Variants in OLA1 observed in about 807,000 individuals in gnomAD.
OLA1 encodes the protein obg-like ATPase 1.
In OLA1, 14 loss-of-function variants were observed where a neutral mutation model predicts 48.4. The observed-to-expected ratio is 0.29, with a 90% CI of 0.19 to 0.45. OLA1 has a LOEUF of 0.45. Among genes scored for constraint, OLA1 ranks in the 20% least tolerant of loss-of-function variants. OLA1 has a pLI of 1.00. For missense variants in OLA1, 325 were observed against 467.1 expected (o/e 0.70, Z 2.80); for synonymous variants, 127 against 150.4 (o/e 0.84, Z 1.14).
intron 4 of OLA1, among the ~76,000 whole-genome samples, chr2:174,178,186 C>A (rs994498941): frequency 6.6e-6 from 1 of 151,872 alleles, no homozygotes; most frequent in Non-Finnish European, 1.5e-5. Flanking sequence ...GTAATAATTT[C>A]ATTAATGTTC....
intron 5 of OLA1, among the ~76,000 whole-genome samples, chr2:174,132,556 T>C (rs1686209562): frequency 6.6e-6 from 1 of 152,162 alleles, no homozygotes; most frequent in Admixed American, 6.5e-5. Context: ...TTTATTATCA[T>C]AAACTATTTT....
Position 174,123,577 on chromosome 2 carries a change from A to T in OLA1, c.630+18T>A. Reference sequence around the variant, plus strand: ...GAAAGCAAAGGCAGTAATAGATGGCATGATATTTACAACTTACCTCTTTGT... The same window carrying T: ...GAAAGCAAAGGCAGTAATAGATGGCTTGATATTTACAACTTACCTCTTTGT... On this transcript the variant is annotated intron_variant, in intron 6 of 10. Transcript: ENST00000284719. 1 of 1,479,160 alleles carries T rather than the reference A, an allele frequency of 6.8e-7. No homozygotes were observed. Among genetic ancestry groups the T allele is most frequent in the Non-Finnish European group, 9.3e-7 (1 of 1,078,806 alleles). 91.6% of individuals were successfully genotyped at this position (1,479,160 alleles called of 1,614,324 possible).
intron 7 of OLA1, among the ~76,000 whole-genome samples, chr2:174,089,344 T>C (rs933418124): frequency 1.3e-5 from 2 of 152,200 alleles, no homozygotes; most frequent in Non-Finnish European, 2.9e-5. Flanking sequence ...TAAACGCACA[T>C]GAACTGAAAG....
intron 7 of OLA1, among the ~76,000 whole-genome samples, chr2:174,108,429 T>C (rs1379458098): frequency 6.6e-6 from 1 of 152,154 alleles, no homozygotes; most frequent in South Asian, 2.1e-4. Flanking sequence ...CAATTATCAA[T>C]ATAGAGACAT....
intron 4 of OLA1, 90 bp downstream of exon 4, chr2:174,222,943 C>G: frequency 7.5e-7 from 1 of 1,327,332 alleles, no homozygotes; most frequent in Admixed American, 2.4e-5. Flanking sequence ...AGCAATCTTC[C>G]ATTAGTCATT....
At chr2:174,161,248 A>C (rs1441561704) in intron 4 of OLA1, among the ~76,000 whole-genome samples, 2 of 152,218 alleles carry the variant, frequency 1.3e-5, no homozygotes, top group African/African-American at 4.8e-5. Flanking sequence ...GAGACAACAT[A>C]AGTTATAGTA....
At chr2:174,124,587 G>A (rs72920538) in intron 5 of OLA1, among the ~76,000 whole-genome samples, 3,556 of 152,146 alleles carry the variant, frequency 0.023, 56 homozygotes, top group Middle Eastern at 0.048. Context: ...AAGGCTCTGG[G>A]GTCTGAAAGG....
chr2:174,197,201 TACTC>T (rs919564845), intron 4 of OLA1, among the ~76,000 whole-genome samples: 1 of 152,160 alleles, frequency 6.6e-6, no homozygotes, highest in South Asian at 2.1e-4. Flanking sequence ...TGGCTACTGT[TACTC>T]AGTGCTGGAG....
At chr2:174,168,533 T>C (rs768218584) in intron 4 of OLA1, among the ~76,000 whole-genome samples, 9 of 152,070 alleles carry the variant, frequency 5.9e-5, no homozygotes, top group Non-Finnish European at 1.2e-4. Context: ...ACAAGTGAGA[T>C]TGAATTTGAG....
intron 4 of OLA1, among the ~76,000 whole-genome samples, chr2:174,160,469 C>A (rs1463325075): frequency 6.6e-6 from 1 of 152,068 alleles, no homozygotes; most frequent in African/African-American, 2.4e-5. Context: ...GAGATTCAAC[C>A]TGGTTATGCT....
Position 174,081,182 on chromosome 2 carries a change from G to T in OLA1, c.936C>A (p.Gly312=). The T allele has an allele frequency of 1.2e-6, 2 of 1,612,084 alleles. No individual in the cohort carries two copies. The highest frequency in any genetic ancestry group is 2.2e-5 in the South Asian group (2 of 91,012). ...ALQLEYFFTA[G]PDEVRAWTIR... Reference sequence around the variant, plus strand: ...TGGTCCATGCACGCACTTCATCTGGGCCTGCAGTGAAAAAGTATTCTAGTT... The same window carrying T: ...TGGTCCATGCACGCACTTCATCTGGTCCTGCAGTGAAAAAGTATTCTAGTT... The change falls in exon 9 of 11, where the codon GGC becomes GGA. Residue 312 remains glycine (G), a synonymous_variant. Coordinates refer to ENST00000284719, the MANE Select transcript of OLA1 (RefSeq NM_013341.5).
chr2:174,111,506 T>C (rs867709160), intron 7 of OLA1, among the ~76,000 whole-genome samples: 7 of 152,338 alleles, frequency 4.6e-5, no homozygotes, highest in Middle Eastern at 3.4e-3. Flanking sequence ...ATAGAACATA[T>C]GTAAACACCC....
chr2:174,132,031 G>A lies in OLA1; in HGVS notation c.550-8356C>T, dbSNP rs142531755. Among the ~76,000 whole-genome samples, 548 of 152,036 alleles carry A rather than the reference G, an allele frequency of 3.6e-3. 2 individuals carry two copies. The highest frequency in any genetic ancestry group is 0.013 in the African/African-American group (520 of 41,512). On this transcript the variant is annotated intron_variant, in intron 5 of 10. Coordinates refer to ENST00000284719, the MANE Select transcript of OLA1 (RefSeq NM_013341.5). ...TAGTAAGGTTTAAAATTATGAGTTC[G>A]ATTTCTTTGATAGATATAAGACTAT...
chr2:174,102,585 A>G (rs1252884116), intron 7 of OLA1, among the ~76,000 whole-genome samples: 2 of 152,102 alleles, frequency 1.3e-5, no homozygotes, highest in African/African-American at 4.8e-5. Flanking sequence ...TGAAGGTCAT[A>G]TAGTTTTGAG....
At chr2:174,206,448 C>CGG (rs1402304334) in intron 4 of OLA1, among the ~76,000 whole-genome samples, 1 of 152,166 alleles carries the variant, frequency 6.6e-6, no homozygotes, top group Admixed American at 6.6e-5. Flanking sequence ...GTTGCCCTCA[C>CGG]ATCCCTGAGG....
intron 7 of OLA1, among the ~76,000 whole-genome samples, chr2:174,095,880 A>C (rs1257783960): frequency 2.6e-5 from 4 of 152,154 alleles, no homozygotes; most frequent in South Asian, 2.1e-4. Context: ...TTGAATAGAC[A>C]GGTCTCCCTG....
chr2:174,231,986 A>G (rs1473987422), intron 2 of OLA1, among the ~76,000 whole-genome samples: 1 of 152,182 alleles, frequency 6.6e-6, no homozygotes, highest in Non-Finnish European at 1.5e-5. Flanking sequence ...ACGCACCCCT[A>G]GATCCCTTGA....
At chr2:174,176,391 A>G (rs558165772) in intron 4 of OLA1, among the ~76,000 whole-genome samples, 120 of 152,272 alleles carry the variant, frequency 7.9e-4, no homozygotes, top group African/African-American at 2.8e-3. Flanking sequence ...TTCAAAAATT[A>G]TTTTGGCCTC....
chr2:174,104,648 C>T (rs1685474386), intron 7 of OLA1, among the ~76,000 whole-genome samples: 1 of 151,938 alleles, frequency 6.6e-6, no homozygotes, highest in Non-Finnish European at 1.5e-5. Flanking sequence ...GCAGTTTTTT[C>T]CATGTTTTAA....
Sources: gnomAD v4.1 joint callset for allele counts (sites outside exome capture counted in the v4.1 genomes callset) on GRCh38, gnomAD v4.1.1 for gene constraint, MANE v1.5 for transcripts, NCBI Gene and HGNC (gene_info 2026-07-23, HGNC 2026-07-21) for gene names.